PLB1: variants seen among roughly 807,000 people sequenced by gnomAD.
PLB1 encodes phospholipase B1.
In PLB1, 242 loss-of-function variants were observed where a neutral mutation model predicts 227.4. That is an observed-to-expected ratio of 1.06 (90% confidence interval 0.96 to 1.18). The LOEUF is 1.18. PLB1 is among the 50% of genes most tolerant of loss of function. The pLI is 0.00. For synonymous variants in PLB1, 757 were observed against 682.2 expected, an observed-to-expected ratio of 1.11 and a Z score of -1.71; for missense variants, 1,858 against 1,816.3, an observed-to-expected ratio of 1.02 and a Z score of -0.42.
intron 53 of PLB1, 137 bp from the exon 54 acceptor site, chr2:28,630,448 AC>A: frequency 6.4e-6 from 4 of 620,450 alleles, no homozygotes; most frequent in Non-Finnish European, 8.4e-6. Flanking sequence ...CTTGTGTGTC[AC>A]CCCCCGCCCT....
chr2:28,540,588 G>A (rs566657750), intron 12 of PLB1, 147 bp downstream of exon 12: 37 of 668,680 alleles, frequency 5.5e-5, no homozygotes, highest in African/African-American at 5.0e-4. Flanking sequence ...AGCAAAGAGA[G>A]CTACTCTTGC....
At chr2:28,545,121 G>A (rs1223982974) in intron 14 of PLB1, among the ~76,000 whole-genome samples, 1 of 152,178 alleles carries the variant, frequency 6.6e-6, no homozygotes, top group African/African-American at 2.4e-5. Context: ...GGAATGGAAG[G>A]TCTCACCCTC....
At chr2:28,606,063 A>G (rs1272833237) in intron 42 of PLB1, 115 bp downstream of exon 42, 1 of 805,460 alleles carries the variant, frequency 1.2e-6, no homozygotes, top group Non-Finnish European at 2.1e-6. Flanking sequence ...TGGTACATCT[A>G]TAAACGTCTA....
rs201707583 is a variant in PLB1, at chr2:28,625,141, G to C, written c.3579+33G>C. Reference sequence around the variant, plus strand: ...CAGGCCCCCAGGCCACCCCTGAAAGGTGCCCATCTCCTGCTGGCTGGGGAG... The same window carrying C: ...CAGGCCCCCAGGCCACCCCTGAAAGCTGCCCATCTCCTGCTGGCTGGGGAG... On this transcript the variant is annotated intron_variant, in intron 50 of 57. Transcript: ENST00000327757. 12 of 1,596,146 alleles carry C rather than the reference G, an allele frequency of 7.5e-6. No homozygotes were observed. The Admixed American group carries it at 1.9e-4, about 25-fold the overall frequency.
Position 28,643,070 on chromosome 2 carries a change from G to T in PLB1, c.*9G>T. The T allele has an allele frequency of 6.3e-7, 1 of 1,586,850 alleles. No individual in the cohort carries two copies. Among genetic ancestry groups the T allele is most frequent in the Non-Finnish European group, 8.6e-7 (1 of 1,166,258 alleles). On this transcript the variant is annotated 3_prime_UTR_variant, in exon 58 of 58. Transcript: ENST00000327757. ...GCACTGTGGCCCTCTAGGCCCGGGG[G>T]TGGGTCCTCACCCTAAACTCCCTAT...
At chr2:28,625,166 G>T in intron 50 of PLB1, 58 bp downstream of exon 50, 1 of 1,498,484 alleles carries the variant, frequency 6.7e-7, no homozygotes, top group Non-Finnish European at 9.3e-7. Flanking sequence ...TGGCTGGGGA[G>T]GGGACAGCCC....
intron 43 of PLB1, among the ~76,000 whole-genome samples, chr2:28,612,299 G>A (rs528767887): frequency 2.0e-4 from 31 of 152,310 alleles, no homozygotes; most frequent in Non-Finnish European, 3.2e-4. Context: ...CCTCCCAGTC[G>A]CTGCTGAGTC....
intron 4 of PLB1, 30 bp downstream of exon 4, chr2:28,519,793 G>T (rs747946358): frequency 3.2e-6 from 5 of 1,583,520 alleles, no homozygotes; most frequent in South Asian, 1.1e-5. Context: ...TGGGGCAGGA[G>T]ACAGAGTTTG....
intron 1 of PLB1, among the ~76,000 whole-genome samples, chr2:28,511,312 T>TC (rs1421212261): frequency 6.6e-6 from 1 of 152,206 alleles, no homozygotes; most frequent in Non-Finnish European, 1.5e-5. Flanking sequence ...TGTTTTTTTT[T>TC]CTAATGACAC....
At chr2:28,537,040 A>G (rs1671782169) in intron 9 of PLB1, among the ~76,000 whole-genome samples, 1 of 152,178 alleles carries the variant, frequency 6.6e-6, no homozygotes, top group South Asian at 2.1e-4. Flanking sequence ...AGAGAGGGTG[A>G]TGTTTGATGT....
chr2:28,604,873 C>A, intron 41 of PLB1, 114 bp downstream of exon 41: 2 of 963,780 alleles, frequency 2.1e-6, no homozygotes, highest in Non-Finnish European at 3.1e-6. Context: ...GCTCTCCAGA[C>A]GCTGTGCTGG....
chr2:28,496,611 G>A (rs1053126460), intron 1 of PLB1, among the ~76,000 whole-genome samples: 1 of 152,196 alleles, frequency 6.6e-6, no homozygotes, highest in Non-Finnish European at 1.5e-5. Flanking sequence ...GACAAAGGAA[G>A]ACAGATTTCC....
At chr2:28,530,265 A>G (rs1335661698) in intron 8 of PLB1, among the ~76,000 whole-genome samples, 4 of 152,312 alleles carry the variant, frequency 2.6e-5, no homozygotes, top group East Asian at 1.9e-4. Flanking sequence ...CTTCAGTTCC[A>G]GGTGAGACTG....
rs1416406799 is a variant in PLB1, at chr2:28,642,151, C to T, written c.4174-707C>T. Among the ~76,000 whole-genome samples, 5 of 152,208 alleles carry T rather than the reference C, an allele frequency of 3.3e-5. No homozygotes were observed. The East Asian group carries it at 9.6e-4, about 29-fold the overall frequency. On this transcript the variant is annotated intron_variant, in intron 57 of 57. Coordinates refer to ENST00000327757, the MANE Select transcript of PLB1 (RefSeq NM_153021.5). ...CCATTCCTGTCTCCAGACACTGACCCATGTGGGTCTCCTTTTCTATTTGTA... is the reference window on the plus strand; with the variant it reads ...CCATTCCTGTCTCCAGACACTGACCTATGTGGGTCTCCTTTTCTATTTGTA...
intron 1 of PLB1, among the ~76,000 whole-genome samples, chr2:28,499,609 G>A (rs1330537960): frequency 2.6e-5 from 4 of 151,886 alleles, no homozygotes; most frequent in Non-Finnish European, 5.9e-5. Flanking sequence ...TGTTAAGCTG[G>A]ACGTGGTGGC....
At chr2:28,629,237 C>G in intron 53 of PLB1, 52 bp downstream of exon 53, 6 of 1,549,778 alleles carry the variant, frequency 3.9e-6, no homozygotes, top group Non-Finnish European at 5.3e-6. Context: ...GTGAGGAGGG[C>G]TTGCAGGTGC....
At chr2:28,628,686 A>T in intron 52 of PLB1, 58 bp downstream of exon 52, 1 of 1,534,388 alleles carries the variant, frequency 6.5e-7, no homozygotes, top group South Asian at 1.1e-5. Flanking sequence ...GGATGCATGT[A>T]GGCAGGCTGT....
At chr2:28,633,073 G>C in intron 56 of PLB1, 34 bp downstream of exon 56, 1 of 1,553,856 alleles carries the variant, frequency 6.4e-7, no homozygotes, top group Non-Finnish European at 8.9e-7. Context: ...GCCTTGTCAA[G>C]GGGGGATCTA....
chr2:28,626,657 C>T, intron 51 of PLB1, 149 bp downstream of exon 51: 1 of 715,562 alleles, frequency 1.4e-6, no homozygotes, highest in Non-Finnish European at 2.4e-6. Flanking sequence ...CTGGTTTACA[C>T]ATGCCAGGCA....
Sources: gnomAD v4.1 joint callset for allele counts (sites outside exome capture counted in the v4.1 genomes callset) on GRCh38, gnomAD v4.1.1 for gene constraint, MANE v1.5 for transcripts, NCBI Gene and HGNC (gene_info 2026-07-23, HGNC 2026-07-21) for gene names.